TRMT9B: variants seen among roughly 807,000 people sequenced by gnomAD.
TRMT9B encodes the protein tRNA methyltransferase 9B (putative), also known as probable tRNA methyltransferase 9B.
TRMT9B carries 16 observed loss-of-function variants against 11.5 expected under a neutral mutation model. The observed-to-expected ratio is 1.39, with a 90% CI of 0.94 to 2.11. TRMT9B has a LOEUF of 2.11. Ranked by LOEUF, TRMT9B falls within the 30% of genes most tolerant of loss-of-function variation. The pLI is 0.00. For missense variants in TRMT9B, 941 were observed against 553.8 expected, an observed-to-expected ratio of 1.70 and a Z score of -7.02; for synonymous variants, 274 against 192.4, an observed-to-expected ratio of 1.42 and a Z score of -3.51.
intron 4 of TRMT9B, among the ~76,000 whole-genome samples, chr8:13,019,611 C>T (rs2128901495): frequency 6.6e-6 from 1 of 152,220 alleles, no homozygotes; most frequent in Middle Eastern, 3.4e-3. Flanking sequence ...TATTAATGGC[C>T]CTTAGTAACC....
In TRMT9B at chr8:13,024,452, G is replaced by A. The variant is rs1213489885; in HGVS notation, c.*2408G>A. Reference sequence around the variant, plus strand: ...AATGGTCTTACAACTCGGGCTTGACGGCCTTTGAATTATGAATGGATTGTT... The same window carrying A: ...AATGGTCTTACAACTCGGGCTTGACAGCCTTTGAATTATGAATGGATTGTT... On this transcript the variant is annotated 3_prime_UTR_variant, in exon 5 of 5. Transcript: ENST00000524591. The A allele has an allele frequency of 6.0e-6, 1 of 167,078 alleles. No homozygotes were observed. Among genetic ancestry groups the A allele is most frequent in the Non-Finnish European group, 1.5e-5 (1 of 68,134 alleles). The allele number at this position is 167,078 out of a possible 1,614,324, so 10.3% of individuals were successfully genotyped here.
chr8:13,029,299 C>G lies in TRMT9B; in HGVS notation c.*7255C>G. ...TCAAAAGTGCAAAAACTTTTTTCTA[C>G]AATGTACAGTTATTTTGACTTTTCC... On this transcript the variant is annotated 3_prime_UTR_variant, in exon 5 of 5. Coordinates refer to ENST00000524591, the MANE Select transcript of TRMT9B (RefSeq NM_020844.3). 1 of 166,972 alleles carries G rather than the reference C, an allele frequency of 6.0e-6. No homozygotes were observed. Among genetic ancestry groups the G allele is most frequent in the East Asian group, 1.9e-4 (1 of 5,204 alleles). 10.3% of individuals were successfully genotyped at this position (166,972 alleles called of 1,614,324 possible).
Position 13,008,778 on chromosome 8 carries a change from G to T in TRMT9B, c.154+2422G>T, listed in dbSNP as rs192188696. Among the ~76,000 whole-genome samples, 189 of 152,246 alleles carry T rather than the reference G, an allele frequency of 1.2e-3. 3 individuals carry two copies. In the East Asian group the frequency reaches 0.03, roughly 25 times the overall value. On this transcript the variant is annotated intron_variant, in intron 3 of 4. Transcript: ENST00000524591. ...GAGTCTTGCTCTGTTGCCCAGGCTGGAGTGCAGGGGCGCCATCTCGGCTCA... is the reference window on the plus strand; with the variant it reads ...GAGTCTTGCTCTGTTGCCCAGGCTGTAGTGCAGGGGCGCCATCTCGGCTCA...
In TRMT9B at chr8:12,965,116, A is replaced by G. The variant is rs74448812; in HGVS notation, c.-200+19150A>G. The stretch of plus-strand genomic sequence containing the variant: ...AGAATACAGTGCAAGCTGCCTGCAA[A>G]TGAGGCCATTCTTTCAACTGGTGTT... On this transcript the variant is annotated intron_variant, in intron 1 of 4. Transcript: ENST00000524591. Among the ~76,000 whole-genome samples the G allele has an allele frequency of 1.5e-3, 224 of 152,322 alleles. 1 individual carries two copies. The East Asian group carries it at 0.034, about 23-fold the overall frequency.
At chr8:12,948,954 C>T (rs1488764922) in intron 1 of TRMT9B, among the ~76,000 whole-genome samples, 2 of 152,042 alleles carry the variant, frequency 1.3e-5, no homozygotes, top group Non-Finnish European at 2.9e-5. Context: ...GGCAAGACTC[C>T]GTTTCAAAAA....
chr8:13,022,870 C>G lies in TRMT9B; in HGVS notation c.*826C>G, dbSNP rs1814177386. 1 of 166,290 alleles carries G rather than the reference C, an allele frequency of 6.0e-6. No homozygotes were observed. The highest frequency in any genetic ancestry group is 2.1e-4 in the South Asian group (1 of 4,806). 10.3% of individuals were successfully genotyped at this position (166,290 alleles called of 1,614,324 possible). On this transcript the variant is annotated 3_prime_UTR_variant, in exon 5 of 5. Transcript: ENST00000524591. Reference sequence around the variant, plus strand: ...TGGTGGTGCATGCCTGTCATCCAAGCTACTCAAGAGACTGAGGCAGGAGGA... The same window carrying G: ...TGGTGGTGCATGCCTGTCATCCAAGGTACTCAAGAGACTGAGGCAGGAGGA...
At chr8:13,013,520 C>A (rs1405964641) in intron 4 of TRMT9B, among the ~76,000 whole-genome samples, 1 of 152,132 alleles carries the variant, frequency 6.6e-6, no homozygotes, top group Non-Finnish European at 1.5e-5. Context: ...GTAAGGAATA[C>A]ATGACATCTG....
At chr8:12,974,521 A>G (rs1804128147) in intron 1 of TRMT9B, among the ~76,000 whole-genome samples, 4 of 152,186 alleles carry the variant, frequency 2.6e-5, no homozygotes, top group African/African-American at 9.7e-5. Flanking sequence ...AATGAGCCCC[A>G]ACAGAATAAG....
At chr8:13,015,415 G>C (rs966861945) in intron 4 of TRMT9B, among the ~76,000 whole-genome samples, 1 of 152,168 alleles carries the variant, frequency 6.6e-6, no homozygotes, top group Non-Finnish European at 1.5e-5. Context: ...TATCACCCTG[G>C]TTGGAGTGCA....
At chr8:12,962,930 C>T (rs1373288022) in intron 1 of TRMT9B, among the ~76,000 whole-genome samples, 4 of 152,264 alleles carry the variant, frequency 2.6e-5, no homozygotes, top group Admixed American at 6.5e-5. Flanking sequence ...GTGCTATAGA[C>T]GAGGTAGGGC....
At chr8:13,000,455 A>G (rs1809212980) in intron 2 of TRMT9B, among the ~76,000 whole-genome samples, 2 of 152,150 alleles carry the variant, frequency 1.3e-5, no homozygotes, top group Admixed American at 1.3e-4. Flanking sequence ...TCCATCCTCC[A>G]AGAAATAAAT....
intron 3 of TRMT9B, chr8:13,011,380 C>T: frequency 1.0e-6 from 1 of 985,102 alleles, no homozygotes. Context: ...TTTGAAAGTG[C>T]CTAGTAAGGA....
intron 2 of TRMT9B, among the ~76,000 whole-genome samples, chr8:13,005,581 AAAAT>A (rs1425040545): frequency 6.6e-6 from 1 of 152,210 alleles, no homozygotes; most frequent in African/African-American, 2.4e-5. Flanking sequence ...ACAAAAATTA[AAAAT>A]AAATAAATAA....
rs1189985664 is a variant in TRMT9B at position 13,022,137 on chromosome 8, G to T, written c.*93G>T. On this transcript the variant is annotated 3_prime_UTR_variant, in exon 5 of 5. Coordinates refer to ENST00000524591, the MANE Select transcript of TRMT9B (RefSeq NM_020844.3). ...CCTGAATTTGCATTCAGTGTTATTT[G>T]TTAATCCATTTACGCTTTGGTCTGC... The T allele has an allele frequency of 1.1e-6, 1 of 925,152 alleles. No homozygotes were observed. The highest frequency in any genetic ancestry group is 1.6e-6 in the Non-Finnish European group (1 of 620,506). The allele number at this position is 925,152 out of a possible 1,614,324, so 57.3% of individuals were successfully genotyped here.
At chr8:13,011,539 A>G in intron 3 of TRMT9B, 2 of 951,442 alleles carry the variant, frequency 2.1e-6, no homozygotes, top group South Asian at 9.7e-5. Context: ...ATTTCTGGAA[A>G]GTAATTAGAT....
At position 13,024,682 on chromosome 8, in the gene TRMT9B, G is replaced by A. The variant is rs1222178673; in HGVS notation, c.*2638G>A. The stretch of plus-strand genomic sequence containing the variant: ...TGCACACACCACTTTGTATGAAAGG[G>A]TTCTCTAGAACGGTTCTTTGGAGAG... On this transcript the variant is annotated 3_prime_UTR_variant, in exon 5 of 5. Coordinates refer to ENST00000524591, the MANE Select transcript of TRMT9B (RefSeq NM_020844.3). 1 of 167,046 alleles carries A rather than the reference G, an allele frequency of 6.0e-6. No homozygotes were observed. The highest frequency in any genetic ancestry group is 1.5e-5 in the Non-Finnish European group (1 of 68,126). 10.3% of individuals were successfully genotyped at this position (167,046 alleles called of 1,614,324 possible).
In TRMT9B at chr8:13,025,004, T is replaced by C. The variant is rs948902810; in HGVS notation, c.*2960T>C. The C allele has an allele frequency of 6.0e-6, 1 of 167,020 alleles. No individual in the cohort carries two copies. The highest frequency in any genetic ancestry group is 2.4e-5 in the African/African-American group (1 of 41,408). The allele number at this position is 167,020 out of a possible 1,614,324, so 10.3% of individuals were successfully genotyped here. On this transcript the variant is annotated 3_prime_UTR_variant, in exon 5 of 5. Transcript: ENST00000524591. ...AAAGGAAACACAGGTCATCAGTGAG[T>C]ATAAACGTAGACAGTTGATTTGTGA...
At position 12,983,089 on chromosome 8, in the gene TRMT9B, T is replaced by C. The variant is rs1805680855; in HGVS notation, c.-199-7745T>C. On this transcript the variant is annotated intron_variant, in intron 1 of 4. Coordinates refer to ENST00000524591, the MANE Select transcript of TRMT9B (RefSeq NM_020844.3). ...TATTTCCTGCTCTGTGGTGTAAAGA[T>C]ATTGTTGAAAATGTCAAAAAGACCT... 2.0e-5 allele frequency among the ~76,000 whole-genome samples: 3 copies of C among 152,166 alleles called. 1 individual carries two copies. Among genetic ancestry groups the C allele is most frequent in the Admixed American group, 1.3e-4 (2 of 15,276 alleles).
intron 1 of TRMT9B, among the ~76,000 whole-genome samples, chr8:12,964,995 CT>C (rs33928896): frequency 0.017 from 2,578 of 152,280 alleles, 80 homozygotes; most frequent in African/African-American, 0.059. Flanking sequence ...CCAAAATAGT[CT>C]GGTTTATTCT....
Sources: gnomAD v4.1 joint callset for allele counts (sites outside exome capture counted in the v4.1 genomes callset) on GRCh38, gnomAD v4.1.1 for gene constraint, MANE v1.5 for transcripts, NCBI Gene and HGNC (gene_info 2026-07-23, HGNC 2026-07-21) for gene names.